TMEM156: variants seen among roughly 807,000 people sequenced by gnomAD.
TMEM156 encodes the protein transmembrane protein 156.
A neutral mutation model predicts 30.5 loss-of-function variants in TMEM156; 28 were observed. That is an observed-to-expected ratio of 0.92 (90% CI 0.68 to 1.26). TMEM156 has a LOEUF of 1.26. Ranked by LOEUF, TMEM156 falls within the 50% of genes most tolerant of loss-of-function variation. The pLI is 0.00. For synonymous variants in TMEM156, 137 were observed against 119.9 expected, an observed-to-expected ratio of 1.14 and a Z score of -0.93; for missense variants, 351 against 340.6, an observed-to-expected ratio of 1.03 and a Z score of -0.24.
intron 3 of TMEM156, among the ~76,000 whole-genome samples, chr4:38,992,526 G>T (rs1028578530): frequency 1.3e-5 from 2 of 150,726 alleles, no homozygotes; most frequent in Non-Finnish European, 2.9e-5. Context: ...TTTTCCTCTA[G>T]GTGCCTAATC....
chr4:38,986,736 A>AGGTG (rs1712015905), intron 4 of TMEM156, among the ~76,000 whole-genome samples: 1 of 140,362 alleles, frequency 7.1e-6, no homozygotes, highest in Non-Finnish European at 1.5e-5. Context: ...TGAACCCAGG[A>AGGTG]GGTGGAGGTT....
At chr4:39,019,683 C>G (rs1425483061) in intron 1 of TMEM156, among the ~76,000 whole-genome samples, 3 of 151,992 alleles carry the variant, frequency 2.0e-5, no homozygotes, top group Non-Finnish European at 4.4e-5. Flanking sequence ...GTATACTTAA[C>G]TAACAAAAAT....
chr4:39,016,334 C>T (rs529361632), intron 1 of TMEM156, among the ~76,000 whole-genome samples: 2 of 150,202 alleles, frequency 1.3e-5, no homozygotes, highest in Non-Finnish European at 3.0e-5. Flanking sequence ...GATCACATCA[C>T]TGTACTCCAG....
At chr4:39,012,821 C>A (rs976899247) in intron 1 of TMEM156, among the ~76,000 whole-genome samples, 1 of 152,100 alleles carries the variant, frequency 6.6e-6, no homozygotes, top group Non-Finnish European at 1.5e-5. Flanking sequence ...TGCCTGTAAT[C>A]CCAGCTACTT....
intron 5 of TMEM156, among the ~76,000 whole-genome samples, chr4:38,984,086 C>G (rs1356555269): frequency 6.6e-6 from 1 of 152,186 alleles, no homozygotes; most frequent in Non-Finnish European, 1.5e-5. Context: ...TAAGCTGTCA[C>G]GCTTCTCAAA....
rs78160954 is a variant in TMEM156, at chr4:38,971,200, T to G, written c.824-63A>C. 1.7e-4 allele frequency: 246 copies of G among 1,479,658 alleles called. 2 individuals are homozygous for G. In the East Asian group the frequency reaches 4.9e-3, roughly 29 times the overall value. The allele number at this position is 1,479,658 out of a possible 1,614,324, so 91.7% of individuals were successfully genotyped here. Reference sequence around the variant, plus strand: ...TAAATAGCAAAAAGAGACAGGCTTATTCTAATGTAGTAAGAGTAGCAAGAG... The same window carrying G: ...TAAATAGCAAAAAGAGACAGGCTTAGTCTAATGTAGTAAGAGTAGCAAGAG... On this transcript the variant is annotated intron_variant, in intron 5 of 6. Coordinates refer to ENST00000381938, the MANE Select transcript of TMEM156 (RefSeq NM_024943.3).
intron 5 of TMEM156, among the ~76,000 whole-genome samples, chr4:38,980,640 G>A (rs1003078523): frequency 6.6e-6 from 1 of 152,198 alleles, no homozygotes; most frequent in African/African-American, 2.4e-5. Context: ...GATTGTTGCT[G>A]CAAAGAAAGA....
chr4:38,994,641 T>TG (rs1019056823), intron 2 of TMEM156, among the ~76,000 whole-genome samples: 4 of 152,032 alleles, frequency 2.6e-5, no homozygotes, highest in African/African-American at 7.2e-5. Flanking sequence ...TACCATAAAC[T>TG]GGGGGGTTTA....
intron 5 of TMEM156, among the ~76,000 whole-genome samples, chr4:38,982,949 G>A (rs546830115): frequency 1.3e-5 from 2 of 152,296 alleles, no homozygotes; most frequent in Admixed American, 6.5e-5. Context: ...AGCCAGAAGA[G>A]CAGATATTAT....
rs1722480537 is a variant in TMEM156, at chr4:38,969,151, C to CA, written c.*39-1511dup. Among the ~76,000 whole-genome samples the CA allele has an allele frequency of 2.6e-5, 4 of 152,218 alleles. No homozygotes were observed. In the South Asian group the frequency reaches 6.2e-4, roughly 24 times the overall value. On this transcript the variant is annotated intron_variant, in intron 6 of 6. Transcript: ENST00000381938. Reference sequence around the variant, plus strand: ...TCACGCTACTGTGCTTTCACACATTCAATGTATTCCTTCTATCTGACTGTA... The same window carrying CA: ...TCACGCTACTGTGCTTTCACACATTCAAATGTATTCCTTCTATCTGACTGTA...
At chr4:38,984,024 C>T (rs960505609) in intron 5 of TMEM156, among the ~76,000 whole-genome samples, 3 of 152,226 alleles carry the variant, frequency 2.0e-5, no homozygotes, top group Non-Finnish European at 2.9e-5. Flanking sequence ...TGTGTGAAGA[C>T]GATAGTTAAA....
At chr4:38,982,880 G>A (rs150203599) in intron 5 of TMEM156, among the ~76,000 whole-genome samples, 12 of 152,262 alleles carry the variant, frequency 7.9e-5, no homozygotes, top group African/African-American at 2.2e-4. Flanking sequence ...ACCTGATGTC[G>A]ATATTTATTT....
At chr4:38,975,718 T>A (rs893616003) in intron 5 of TMEM156, among the ~76,000 whole-genome samples, 1 of 152,142 alleles carries the variant, frequency 6.6e-6, no homozygotes, top group African/African-American at 2.4e-5. Context: ...TGGATCATTC[T>A]AAGATAGTCC....
chr4:39,016,253 G>A (rs187711101), intron 1 of TMEM156, among the ~76,000 whole-genome samples: 8 of 151,978 alleles, frequency 5.3e-5, no homozygotes, highest in Admixed American at 2.0e-4. Flanking sequence ...TGAGTCTGTA[G>A]TCCCAGCTAC....
chr4:38,992,750 A>ATAT (rs1712613884), intron 3 of TMEM156, among the ~76,000 whole-genome samples: 4 of 74,782 alleles, frequency 5.3e-5, no homozygotes, highest in African/African-American at 2.1e-4. Context: ...ATAATATATT[A>ATAT]TATATATATA....
chr4:38,993,747 C>G lies in TMEM156; in HGVS notation c.610G>C (p.Asp204His). The G allele has an allele frequency of 6.2e-7, 1 of 1,611,644 alleles. No homozygotes were observed. Among genetic ancestry groups the G allele is most frequent in the Non-Finnish European group, 8.5e-7 (1 of 1,178,050 alleles). Residue 204 changes from aspartate (D) to histidine (H), a missense_variant, in exon 3 of 7, where the codon GAT becomes CAT. Transcript: ENST00000381938. The stretch of plus-strand genomic sequence containing the variant: ...TTCCTTAAAAACTTACTTTTTATAT[C>G]CATCTCTAGGTGCAAAGAAATGTGT... ...CIHISLHLEM[D>H]IKNITCSMKI... is the part of the protein sequence containing the mutation.
intron 1 of TMEM156, among the ~76,000 whole-genome samples, chr4:39,030,528 C>T (rs552837616): frequency 6.6e-6 from 1 of 152,168 alleles, no homozygotes; most frequent in African/African-American, 2.4e-5. Flanking sequence ...CTCACCACTG[C>T]CCCAGAAGGC....
chr4:39,003,235 C>T (rs1414802574), intron 1 of TMEM156, among the ~76,000 whole-genome samples: 1 of 151,910 alleles, frequency 6.6e-6, no homozygotes. Flanking sequence ...ATTTACTAGC[C>T]TTCTATATTT....
At position 38,984,307 on chromosome 4, in the gene TMEM156, ATC is replaced by A. The variant is rs1219966009; in HGVS notation, c.823+2027_823+2028del. Among the ~76,000 whole-genome samples the A allele has an allele frequency of 2.1e-3, 297 of 142,022 alleles. 3 individuals carry two copies. Among genetic ancestry groups the A allele is most frequent in the African/African-American group, 7.5e-3 (279 of 37,070 alleles). The allele number at this position is 142,022 out of a possible 152,430, so 93.2% of individuals were successfully genotyped here. ...TTCTTTTGGAGGTACGAGCCCATTTATCTCTCTCTCTCTCTCTTTCTCTCTGT... is the reference window on the plus strand; with the variant it reads ...TTCTTTTGGAGGTACGAGCCCATTTATCTCTCTCTCTCTCTTTCTCTCTGT... On this transcript the variant is annotated intron_variant, in intron 5 of 6. Transcript: ENST00000381938.
Sources: allele counts gnomAD v4.1 joint callset (sites outside exome capture counted in the v4.1 genomes callset), GRCh38; gene constraint gnomAD v4.1.1; transcripts MANE v1.5; gene names NCBI Gene and HGNC (gene_info 2026-07-23, HGNC 2026-07-21).